Variants in USH2A observed in about 807,000 individuals in gnomAD.
The protein encoded by USH2A is usherin, also known as Usher syndrome 2A (autosomal recessive, mild).
USH2A carries 443 observed loss-of-function variants against 538.9 expected under a neutral mutation model. The observed-to-expected ratio is 0.82, with a 90% CI of 0.76 to 0.89. The LOEUF is 0.89. USH2A is among the 40% of genes least tolerant of loss of function. USH2A has a pLI of 0.00. For missense variants in USH2A, 6,633 were observed against 6,324.8 expected (o/e 1.05, Z -1.65); for synonymous variants, 2,413 against 2,273.5 (o/e 1.06, Z -1.75).
At chr1:216,066,397 C>T (rs904637831) in intron 30 of USH2A, among the ~76,000 whole-genome samples, 1 of 152,010 alleles carries the variant, frequency 6.6e-6, no homozygotes, top group Non-Finnish European at 1.5e-5. Flanking sequence ...ACCTGGGAGG[C>T]GGAGCTTGCA....
chr1:215,759,751 G>A lies in USH2A; in HGVS notation c.11140C>T (p.Gln3714Ter). Residue 3714 changes from glutamine (Q) to a stop codon, truncating the protein, a stop_gained, in exon 57 of 72, where the codon CAA becomes TAA. Transcript: ENST00000307340. LOFTEE classifies it high-confidence loss of function. ...TTTCCATTACGACTCAATTGATATTGAGAAACGAGGCCATTGGGCTTTTCT... is the reference window on the plus strand; with the variant it reads ...TTTCCATTACGACTCAATTGATATTAAGAAACGAGGCCATTGGGCTTTTCT... ...LPEKPNGLVS[Q>*]YQLSRNGNLL... 6.2e-7 allele frequency: 1 copy of A among 1,614,032 alleles called. No individual in the cohort carries two copies. Among genetic ancestry groups the A allele is most frequent in the East Asian group, 2.2e-5 (1 of 44,862 alleles).
chr1:216,300,420 C>T (rs1390457145), intron 9 of USH2A, among the ~76,000 whole-genome samples: 3 of 152,142 alleles, frequency 2.0e-5, no homozygotes, highest in East Asian at 1.9e-4. Context: ...GGTCAAGGAC[C>T]TTTACCACTG....
intron 61 of USH2A, among the ~76,000 whole-genome samples, chr1:215,692,916 T>A (rs1156963185): frequency 6.6e-6 from 1 of 151,840 alleles, no homozygotes; most frequent in Non-Finnish European, 1.5e-5. Context: ...TTTTTAATTT[T>A]TTTTTGAGAC....
At chr1:216,334,445 C>G (rs1310855707) in intron 4 of USH2A, among the ~76,000 whole-genome samples, 1 of 151,666 alleles carries the variant, frequency 6.6e-6, no homozygotes, top group African/African-American at 2.4e-5. Flanking sequence ...TTTAAAAAAC[C>G]AACAGCAAAG....
intron 64 of USH2A, among the ~76,000 whole-genome samples, chr1:215,652,383 C>A (rs1657111494): frequency 6.6e-6 from 1 of 152,174 alleles, no homozygotes; most frequent in South Asian, 2.1e-4. Context: ...TAGACGAATA[C>A]CTGCAATTCT....
Position 216,314,043 on chromosome 1 carries a change from T to C in USH2A, c.1644+7840A>G, listed in dbSNP as rs1199948639. On this transcript the variant is annotated intron_variant, in intron 9 of 71. Transcript: ENST00000307340. ...ATTATATTATACCTATGTATGCATTTACTTTTCTTAGCCTACTTGGGATTC... is the reference window on the plus strand; with the variant it reads ...ATTATATTATACCTATGTATGCATTCACTTTTCTTAGCCTACTTGGGATTC... Among the ~76,000 whole-genome samples, 4 of 152,336 alleles carry C rather than the reference T, an allele frequency of 2.6e-5. No individual in the cohort carries two copies. In the South Asian group the frequency reaches 6.2e-4, roughly 24 times the overall value.
At chr1:215,630,097 T>C in intron 70 of USH2A, 1 of 516,898 alleles carries the variant, frequency 1.9e-6, no homozygotes, top group Non-Finnish European at 3.9e-6. Flanking sequence ...GGAATGGATA[T>C]ATGGAAGTCA....
At chr1:216,418,140 G>A (rs2039607628) in intron 3 of USH2A, among the ~76,000 whole-genome samples, 1 of 152,044 alleles carries the variant, frequency 6.6e-6, no homozygotes, top group South Asian at 2.1e-4. Context: ...TAAAAATCAA[G>A]CTGGGGTATT....
At chr1:215,628,526 G>A (rs978604064) in intron 71 of USH2A, among the ~76,000 whole-genome samples, 5 of 152,048 alleles carry the variant, frequency 3.3e-5, no homozygotes, top group South Asian at 2.1e-4. Flanking sequence ...CAGGTGATCC[G>A]CCCACCTCGG....
At chr1:216,372,024 T>C (rs2038725426) in intron 3 of USH2A, among the ~76,000 whole-genome samples, 1 of 152,202 alleles carries the variant, frequency 6.6e-6, no homozygotes, top group East Asian at 1.9e-4. Flanking sequence ...GAATAAGTAC[T>C]TGAGGAAATT....
intron 58 of USH2A, among the ~76,000 whole-genome samples, chr1:215,755,286 T>G (rs1660756357): frequency 1.3e-5 from 2 of 152,242 alleles, no homozygotes; most frequent in African/African-American, 4.8e-5. Flanking sequence ...AGGCATGGAC[T>G]GTTTTGCCCA....
chr1:215,950,133 T>C (rs1434879921), intron 37 of USH2A, among the ~76,000 whole-genome samples: 1 of 152,172 alleles, frequency 6.6e-6, no homozygotes, highest in Admixed American at 6.5e-5. Flanking sequence ...AAAAATATAC[T>C]CAACCTTTAA....
chr1:216,322,650 A>T (rs2102651760), intron 8 of USH2A, among the ~76,000 whole-genome samples: 1 of 152,008 alleles, frequency 6.6e-6, no homozygotes, highest in African/African-American at 2.4e-5. Flanking sequence ...AGTTGACAAT[A>T]AACTGCAGAA....
intron 52 of USH2A, among the ~76,000 whole-genome samples, chr1:215,785,932 T>A (rs371050485): frequency 6.8e-6 from 1 of 146,396 alleles, no homozygotes; most frequent in African/African-American, 2.5e-5. Context: ...TGATAGATGA[T>A]ACACACACAC....
In USH2A at chr1:215,790,214, C is replaced by G. The variant is rs772453254; in HGVS notation, c.10027G>C (p.Glu3343Gln). 5 of 1,614,088 alleles carry G rather than the reference C, an allele frequency of 3.1e-6. No individual in the cohort carries two copies. Among genetic ancestry groups the G allele is most frequent in the South Asian group, 1.1e-5 (1 of 91,080 alleles). Residue 3343 changes from glutamate (E) to glutamine (Q), a missense_variant, in exon 51 of 72, where the codon GAG (glutamate) becomes CAG (glutamine). Glu to Gln is a conservative substitution (Grantham distance 29, BLOSUM62 2). Transcript: ENST00000307340. ...DTICCSASSGESKAHIKKNDP... is the reference protein window; with the variant it reads ...DTICCSASSGQSKAHIKKNDP... ...TTCTTTTTAATATGTGCTTTAGACT[C>G]TCCACTGGAAGCTGAGCAGCATATG...
chr1:215,770,623 T>C (rs1661249617), intron 55 of USH2A, among the ~76,000 whole-genome samples: 1 of 152,140 alleles, frequency 6.6e-6, no homozygotes, highest in African/African-American at 2.4e-5. Context: ...ATTATGTAAA[T>C]GACATACTAG....
rs542939855 is a variant in USH2A, at chr1:215,723,054, G to A, written c.12066+4976C>T. Among the ~76,000 whole-genome samples the A allele has an allele frequency of 2.2e-4, 33 of 152,150 alleles. No individual in the cohort carries two copies. In the South Asian group the frequency reaches 5.4e-3, roughly 25 times the overall value. On this transcript the variant is annotated intron_variant, in intron 61 of 71. Transcript: ENST00000307340. ...TAAATACAGTTTCTTTCCTGACACC[G>A]CACAATTCATCACAGAGCTAATTGG...
At chr1:215,906,790 A>G (rs1665649648) in intron 38 of USH2A, among the ~76,000 whole-genome samples, 1 of 152,094 alleles carries the variant, frequency 6.6e-6, no homozygotes, top group Admixed American at 6.6e-5. Flanking sequence ...AAAATGGAGA[A>G]GTCTTCATGT....
At position 215,623,227 on chromosome 1, in the gene USH2A, T is replaced by C. The variant is rs1655864439; in HGVS notation, c.*2554A>G. The C allele has an allele frequency of 6.6e-6, 1 of 152,062 alleles. No homozygotes were observed. The highest frequency in any genetic ancestry group is 6.5e-5 in the Admixed American group (1 of 15,274). 9.4% of individuals were successfully genotyped at this position (152,062 alleles called of 1,614,324 possible). On this transcript the variant is annotated 3_prime_UTR_variant, in exon 72 of 72. Transcript: ENST00000307340. ...AACATGGTAGTTCGTAAGCTGAGAA[T>C]GTGGCATGTACAATTGGTAAAATGT...
Sources: allele counts gnomAD v4.1 joint callset (sites outside exome capture counted in the v4.1 genomes callset), GRCh38; gene constraint gnomAD v4.1.1; transcripts MANE v1.5; gene names NCBI Gene and HGNC (gene_info 2026-07-23, HGNC 2026-07-21).